Variants in ANO2 observed in about 807,000 individuals in gnomAD.
ANO2 encodes anoctamin 2.
Under a neutral mutation model 124.2 loss-of-function variants are expected in ANO2, and 101 were observed. That is an observed-to-expected ratio of 0.81 (90% CI 0.69 to 0.96). The LOEUF (loss-of-function observed/expected upper bound fraction) is 0.96. ANO2 is among the 40% of genes least tolerant of loss of function. ANO2 has a pLI of 0.00. For missense variants in ANO2, 1,293 were observed against 1,274.5 expected, an observed-to-expected ratio of 1.01 and a Z score of -0.22; for synonymous variants, 486 against 482.5, an observed-to-expected ratio of 1.01 and a Z score of -0.09.
chr12:5,651,600 GAT>G (rs199720328), intron 14 of ANO2, among the ~76,000 whole-genome samples: 4,989 of 152,060 alleles, frequency 0.033, 115 homozygotes, highest in Non-Finnish European at 0.048. Context: ...TTTTAATTAA[GAT>G]ATAATTTACA....
intron 1 of ANO2, among the ~76,000 whole-genome samples, chr12:5,943,388 G>T (rs528056540): frequency 6.6e-6 from 1 of 152,128 alleles, no homozygotes; most frequent in East Asian, 1.9e-4. Flanking sequence ...GGCCATTATT[G>T]TAAGTGAAGT....
At chr12:5,933,565 T>A (rs1375897237) in intron 1 of ANO2, among the ~76,000 whole-genome samples, 1 of 152,196 alleles carries the variant, frequency 6.6e-6, no homozygotes, top group Non-Finnish European at 1.5e-5. Flanking sequence ...TAACTGTTTT[T>A]CTGATACACG....
chr12:5,835,540 T>C (rs542711699), intron 4 of ANO2, among the ~76,000 whole-genome samples: 181 of 152,346 alleles, frequency 1.2e-3, no homozygotes, highest in Admixed American at 1.8e-3. Flanking sequence ...TGGCTTTCAA[T>C]GTACTTTAGT....
chr12:5,743,067 C>G (rs527974769), intron 12 of ANO2, among the ~76,000 whole-genome samples: 3 of 152,194 alleles, frequency 2.0e-5, no homozygotes, highest in African/African-American at 7.2e-5. Flanking sequence ...TCTTTCCAAT[C>G]AAGTTCTGTC....
intron 7 of ANO2, among the ~76,000 whole-genome samples, chr12:5,826,563 T>C (rs1226673389): frequency 6.6e-6 from 1 of 151,980 alleles, no homozygotes; most frequent in Non-Finnish European, 1.5e-5. Flanking sequence ...AGCACCGTGT[T>C]CCAGACAAAT....
rs1201281299 is a variant in ANO2 at position 5,883,103 on chromosome 12, A to T, written c.535-28962T>A. Among the ~76,000 whole-genome samples, 3 of 151,834 alleles carry T rather than the reference A, an allele frequency of 2.0e-5. No individual in the cohort carries two copies. In the East Asian group the frequency reaches 5.8e-4, roughly 29 times the overall value. Reference sequence around the variant, plus strand: ...GGAAACCCCCACCCCCAGCACCATTAACACACACAGCCCGTGTCAGCCTAA... The same window carrying T: ...GGAAACCCCCACCCCCAGCACCATTTACACACACAGCCCGTGTCAGCCTAA... On this transcript the variant is annotated intron_variant, in intron 3 of 24. Transcript: ENST00000682330.
Position 5,635,217 on chromosome 12 carries a change from T to A in ANO2, c.1751A>T (p.Asn584Ile). Residue 584 changes from asparagine (N) to isoleucine (I), a missense_variant, in exon 16 of 25, where the codon AAC (asparagine) becomes ATC (isoleucine). Asn to Ile is a moderately radical substitution (Grantham distance 149). Coordinates refer to ENST00000682330, the MANE Select transcript of ANO2 (RefSeq NM_001364791.2). This position sits in a 1 kb window ranked among gnomAD's most constrained non-coding sequence, Gnocchi z 5.2. The part of the protein sequence containing the change: ...VTVTATAVII[N>I]LVVILILDEI... ...GTCCAGGATGAGGATGACCACGAGG[T>A]TGATGATGACTGCTGTTGCTGTCAC... 1 of 1,611,952 alleles carries A rather than the reference T, an allele frequency of 6.2e-7. No individual in the cohort carries two copies. The highest frequency in any genetic ancestry group is 8.5e-7 in the Non-Finnish European group (1 of 1,179,318).
chr12:5,887,934 A>G (rs1009056976), intron 3 of ANO2, among the ~76,000 whole-genome samples: 1 of 152,122 alleles, frequency 6.6e-6, no homozygotes, highest in Non-Finnish European at 1.5e-5. Context: ...TCTGCTCACA[A>G]AGCATGAGTG....
chr12:5,650,475 C>T (rs574693110), intron 14 of ANO2, among the ~76,000 whole-genome samples: 1 of 152,242 alleles, frequency 6.6e-6, no homozygotes, highest in South Asian at 2.1e-4. Context: ...TTCAGACACT[C>T]CCAACATAAG....
At chr12:5,838,585 G>A (rs1232397461) in intron 4 of ANO2, among the ~76,000 whole-genome samples, 2 of 152,148 alleles carry the variant, frequency 1.3e-5, no homozygotes, top group Non-Finnish European at 2.9e-5. Context: ...ACCTGTTCCT[G>A]AGACTTCTTC....
intron 3 of ANO2, among the ~76,000 whole-genome samples, chr12:5,873,896 C>G (rs1159575033): frequency 6.6e-6 from 1 of 152,218 alleles, no homozygotes; most frequent in African/African-American, 2.4e-5. Context: ...TTTAGAGGAG[C>G]CTCTCAGCTC....
intron 1 of ANO2, among the ~76,000 whole-genome samples, chr12:5,930,380 T>A (rs973536543): frequency 1.3e-5 from 2 of 152,050 alleles, no homozygotes; most frequent in Non-Finnish European, 2.9e-5. Flanking sequence ...CCTGGCATGA[T>A]GGTGTGGGTA....
chr12:5,799,316 C>A (rs1442754459), intron 10 of ANO2, among the ~76,000 whole-genome samples, 191 bp downstream of exon 10: 9 of 152,206 alleles, frequency 5.9e-5, no homozygotes, highest in Non-Finnish European at 1.0e-4. Context: ...TTTTGCCCCA[C>A]GCAGCCTCCA....
intron 4 of ANO2, among the ~76,000 whole-genome samples, chr12:5,844,379 C>A (rs1399037411): frequency 6.6e-6 from 1 of 152,114 alleles, no homozygotes; most frequent in Admixed American, 6.5e-5. Context: ...GCAAAGTGTA[C>A]TACTGTATTT....
chr12:5,854,649 G>A (rs1955044113), intron 3 of ANO2, among the ~76,000 whole-genome samples: 1 of 152,126 alleles, frequency 6.6e-6, no homozygotes, highest in African/African-American at 2.4e-5. Context: ...ATCTACTAGA[G>A]CCTAGAAGTA....
intron 10 of ANO2, among the ~76,000 whole-genome samples, chr12:5,795,075 G>A (rs1342972659): frequency 6.6e-6 from 1 of 152,162 alleles, no homozygotes; most frequent in African/African-American, 2.4e-5. Flanking sequence ...AAGGAGGGAT[G>A]GATCAAACCA....
chr12:5,679,950 T>C (rs1193337634), intron 14 of ANO2, among the ~76,000 whole-genome samples: 1 of 152,114 alleles, frequency 6.6e-6, no homozygotes, highest in Non-Finnish European at 1.5e-5. Context: ...TAGAACACTA[T>C]GCAGCCATAA....
At chr12:5,725,905 A>G (rs1950419878) in intron 14 of ANO2, among the ~76,000 whole-genome samples, 1 of 152,140 alleles carries the variant, frequency 6.6e-6, no homozygotes. Context: ...GTTTATTGGA[A>G]GCAAAGGAGG....
intron 1 of ANO2, among the ~76,000 whole-genome samples, chr12:5,926,562 C>T (rs535509211): frequency 6.6e-6 from 1 of 151,816 alleles, no homozygotes; most frequent in Admixed American, 6.6e-5. Context: ...GCATTCTTCC[C>T]GCTGCCTGGA....
Sources: allele counts gnomAD v4.1 joint callset (sites outside exome capture counted in the v4.1 genomes callset), GRCh38; gene constraint gnomAD v4.1.1; non-coding constraint Gnocchi (gnomAD v3.1); transcripts MANE v1.5; gene names NCBI Gene and HGNC (gene_info 2026-07-23, HGNC 2026-07-21).